The following ADGRL3 variants were observed in gnomAD, a reference collection of about 807,000 sequenced individuals.
ADGRL3 encodes calcium-independent alpha-latrotoxin receptor 3.
Under a neutral mutation model 153.5 loss-of-function variants are expected in ADGRL3, and 62 were observed. The ratio of observed to expected loss-of-function variants is 0.40; its 90% CI spans 0.33 to 0.50. ADGRL3 has a LOEUF of 0.50. ADGRL3 is among the 20% of genes least tolerant of loss of function. The probability of loss-of-function intolerance (pLI) is 0.47; values close to 1 mark genes in which losing one functional copy is unlikely to be tolerated. For missense variants in ADGRL3, 1,641 were observed against 1,859.4 expected (o/e 0.88, Z 2.16); for synonymous variants, 710 against 672.5 (o/e 1.06, Z -0.86).
intron 4 of ADGRL3, among the ~76,000 whole-genome samples, chr4:61,536,058 G>A (rs2098653996): frequency 6.6e-6 from 1 of 151,830 alleles, no homozygotes; most frequent in Non-Finnish European, 1.5e-5. Flanking sequence ...TTTTTTTGCT[G>A]TATTCCAGAG....
At position 62,044,487 on chromosome 4, in the gene ADGRL3, G is replaced by T. The variant is rs1189094336; in HGVS notation, c.3752G>T (p.Arg1251Leu). 6.3e-7 allele frequency: 1 copy of T among 1,597,896 alleles called. No individual in the cohort carries two copies. ...CGTAGAATGTGGAATGACACGGTTC[G>T]AAAGCAGTCAGAGTCTTCCTTTATT... is the stretch of plus-strand genomic sequence containing the variant. ...RIRRMWNDTVRKQSESSFITG... is the reference protein window; with the variant it reads ...RIRRMWNDTVLKQSESSFITG... Residue 1251 changes from arginine to leucine, a missense_variant, in exon 25 of 27, where the codon CGA becomes CTA. Physicochemically the swap from Arg to Leu is moderately radical, Grantham distance 102 (BLOSUM62 -2). Coordinates refer to ENST00000683033, the MANE Select transcript of ADGRL3 (RefSeq NM_001387552.1).
intron 25 of ADGRL3, among the ~76,000 whole-genome samples, chr4:62,067,307 A>G (rs943383305): frequency 6.6e-5 from 10 of 152,080 alleles, no homozygotes; most frequent in Non-Finnish European, 1.5e-4. Flanking sequence ...AAAATCAGCA[A>G]GAACAACTCT....
intron 9 of ADGRL3, among the ~76,000 whole-genome samples, chr4:61,845,175 G>T (rs1355312519): frequency 6.6e-6 from 1 of 151,968 alleles, no homozygotes; most frequent in Non-Finnish European, 1.5e-5. Flanking sequence ...AATTTTCTTT[G>T]ATTCACAAAA....
At chr4:61,628,428 G>A (rs2092961503) in intron 5 of ADGRL3, among the ~76,000 whole-genome samples, 1 of 152,150 alleles carries the variant, frequency 6.6e-6, no homozygotes, top group African/African-American at 2.4e-5. Context: ...CTTTGACAAA[G>A]TATTCACTTT....
intron 2 of ADGRL3, among the ~76,000 whole-genome samples, chr4:61,432,655 T>TTTCTTTCTTTC (rs1553928415): frequency 5.1e-5 from 3 of 58,738 alleles, no homozygotes; most frequent in African/African-American, 6.7e-5. Context: ...TCTTTCTTTC[T>TTTCTTTCTTTC]TTTTTTTTTT....
At chr4:61,752,387 A>T (rs1022037990) in intron 8 of ADGRL3, among the ~76,000 whole-genome samples, 1 of 151,618 alleles carries the variant, frequency 6.6e-6, no homozygotes, top group African/African-American at 2.4e-5. Context: ...TTGCCTAATA[A>T]GCATATTATT....
At chr4:61,999,037 T>C (rs1465189468) in intron 21 of ADGRL3, among the ~76,000 whole-genome samples, 1 of 152,212 alleles carries the variant, frequency 6.6e-6, no homozygotes, top group Non-Finnish European at 1.5e-5. Context: ...TGGGCATTTA[T>C]ATAGGAGCTG....
At chr4:61,927,030 C>T (rs899216392) in intron 13 of ADGRL3, among the ~76,000 whole-genome samples, 1 of 152,200 alleles carries the variant, frequency 6.6e-6, no homozygotes, top group Non-Finnish European at 1.5e-5. Flanking sequence ...CAATACAGAG[C>T]TTGAACCCTA....
intron 2 of ADGRL3, among the ~76,000 whole-genome samples, chr4:61,395,584 A>T (rs1480331086): frequency 2.6e-5 from 4 of 151,932 alleles, no homozygotes; most frequent in African/African-American, 7.2e-5. Context: ...GTTAAAACAT[A>T]CTCACTATTA....
chr4:61,818,557 C>T (rs1222529396), intron 9 of ADGRL3, among the ~76,000 whole-genome samples: 1 of 152,066 alleles, frequency 6.6e-6, no homozygotes, highest in African/African-American at 2.4e-5. Flanking sequence ...GAAATCTGGC[C>T]CCATGGTTCA....
chr4:61,980,044 A>G (rs886580496), intron 18 of ADGRL3, among the ~76,000 whole-genome samples: 2 of 152,204 alleles, frequency 1.3e-5, no homozygotes, highest in African/African-American at 4.8e-5. Context: ...AGCAGGAGCT[A>G]CAGACATTCC....
At chr4:62,057,972 C>G (rs909347731) in intron 25 of ADGRL3, among the ~76,000 whole-genome samples, 2 of 152,160 alleles carry the variant, frequency 1.3e-5, no homozygotes, top group African/African-American at 4.8e-5. Context: ...AGACACTATG[C>G]CATGCTTGAT....
chr4:61,568,605 C>T (rs183870748), intron 4 of ADGRL3, among the ~76,000 whole-genome samples: 113 of 152,200 alleles, frequency 7.4e-4, no homozygotes, highest in Admixed American at 7.3e-3. Flanking sequence ...GATTCCTTAA[C>T]AAAGAATTTC....
At chr4:61,951,353 G>C (rs2098946545) in intron 17 of ADGRL3, among the ~76,000 whole-genome samples, 1 of 152,128 alleles carries the variant, frequency 6.6e-6, no homozygotes, top group South Asian at 2.1e-4. Context: ...CACAGTCAGT[G>C]GTTTACCCAA....
At chr4:61,302,495 T>C (rs2094611160) in intron 1 of ADGRL3, among the ~76,000 whole-genome samples, 1 of 152,190 alleles carries the variant, frequency 6.6e-6, no homozygotes, top group South Asian at 2.1e-4. Context: ...TTATTTACTT[T>C]AATCTTTCAT....
intron 9 of ADGRL3, among the ~76,000 whole-genome samples, chr4:61,852,526 G>C (rs1034619239): frequency 1.3e-5 from 2 of 152,030 alleles, no homozygotes; most frequent in South Asian, 4.1e-4. Flanking sequence ...TGTTGGCCAG[G>C]CTGGTCTCAA....
At chr4:61,377,012 G>C (rs189085361) in intron 1 of ADGRL3, among the ~76,000 whole-genome samples, 1 of 152,086 alleles carries the variant, frequency 6.6e-6, no homozygotes, top group African/African-American at 2.4e-5. Context: ...TTCTCTGAGG[G>C]CAAGAACTGT....
intron 8 of ADGRL3, among the ~76,000 whole-genome samples, chr4:61,786,132 G>A (rs1371949949): frequency 1.3e-5 from 2 of 152,144 alleles, no homozygotes; most frequent in Non-Finnish European, 2.9e-5. Context: ...TTAGTTTCAT[G>A]TTTCCACTGA....
At chr4:61,608,393 CA>C (rs2099040889) in intron 5 of ADGRL3, among the ~76,000 whole-genome samples, 1 of 152,040 alleles carries the variant, frequency 6.6e-6, no homozygotes, top group African/African-American at 2.4e-5. Context: ...TACAGAAAAA[CA>C]AAAACCCTCT....
Sources: gnomAD v4.1 joint callset for allele counts (sites outside exome capture counted in the v4.1 genomes callset) on GRCh38, gnomAD v4.1.1 for gene constraint, MANE v1.5 for transcripts, NCBI Gene and HGNC (gene_info 2026-07-23, HGNC 2026-07-21) for gene names.